PEX11G: variants seen among roughly 807,000 people sequenced by gnomAD.
PEX11G encodes peroxisomal biogenesis factor 11 gamma.
A neutral mutation model predicts 22.5 loss-of-function variants in PEX11G; 20 were observed. That is an observed-to-expected ratio of 0.89 (90% CI 0.62 to 1.29). The LOEUF (loss-of-function observed/expected upper bound fraction) is 1.29, where lower values mean the gene tolerates loss of function less well. Among genes scored for constraint, PEX11G ranks in the 50% most tolerant of loss-of-function variants. PEX11G has a pLI of 0.00. For missense variants in PEX11G, 347 were observed against 331.3 expected (o/e 1.05, Z -0.37); for synonymous variants, 141 against 154.5 (o/e 0.91, Z 0.65).
At chr19:7,489,894 G>A (rs2021840184), upstream of PEX11G, among the ~76,000 whole-genome samples, 1 of 142,578 alleles carries the variant, frequency 7.0e-6, no homozygotes, top group African/African-American at 2.6e-5. Flanking sequence ...GTCTTGCTCT[G>A]TCCCCAAAGC....
At chr19:7,489,424 G>A, upstream of PEX11G, 1 of 1,008,488 alleles carries the variant, frequency 9.9e-7, no homozygotes, top group Non-Finnish European at 1.2e-6. Context: ...CTGCCTGCCC[G>A]TAGTGAGCAG....
chr19:7,489,304 A>G, upstream of PEX11G: 13 of 1,189,976 alleles, frequency 1.1e-5, no homozygotes, highest in Non-Finnish European at 1.3e-5. Flanking sequence ...AAGTTTAACC[A>G]ACTACCCACA....
At chr19:7,492,590 C>T (rs1375988165), upstream of PEX11G, among the ~76,000 whole-genome samples, 3 of 152,024 alleles carry the variant, frequency 2.0e-5, no homozygotes, top group African/African-American at 4.8e-5. Flanking sequence ...TACAGCACAC[C>T]CGCCACTGTG....
chr19:7,491,588 A>C (rs1485696656), upstream of PEX11G, among the ~76,000 whole-genome samples: 1 of 151,204 alleles, frequency 6.6e-6, no homozygotes, highest in Non-Finnish European at 1.5e-5. Flanking sequence ...TTTCATACAA[A>C]TGGAATCATA....
At chr19:7,489,630 C>T, upstream of PEX11G, 1 of 399,914 alleles carries the variant, frequency 2.5e-6, no homozygotes, top group South Asian at 1.0e-4. Context: ...CCAAGAGAGA[C>T]CCCCGTAGGA....
Position 7,485,945 on chromosome 19 carries a change from G to C in PEX11G, c.142C>G (p.Arg48Gly). The change falls in exon 2 of 5, where the codon CGT (arginine) becomes GGT (glycine). Residue 48 changes from arginine to glycine, a missense_variant. Arg to Gly is a moderately radical substitution (Grantham distance 125). Coordinates refer to ENST00000221480, the MANE Select transcript of PEX11G (RefSeq NM_080662.4). Reference sequence around the variant, plus strand: ...AGTTGGGTGGACACCACCAACAGACGTGTCCCCACTTCGGACCTGGCGGGA... The same window carrying C: ...AGTTGGGTGGACACCACCAACAGACCTGTCCCCACTTCGGACCTGGCGGGA... ...QCPARSEVGT[R>G]LLVVSTQLSH... 6.2e-7 allele frequency: 1 copy of C among 1,613,236 alleles called. No individual in the cohort carries two copies. The highest frequency in any genetic ancestry group is 2.2e-5 in the East Asian group (1 of 44,848).
intron 1 of PEX11G, among the ~76,000 whole-genome samples, chr19:7,487,714 G>C (rs748161473): frequency 6.6e-6 from 1 of 152,126 alleles, no homozygotes; most frequent in African/African-American, 2.4e-5. Context: ...GAGCCACCAC[G>C]CCTGGCCTCC....
intron 4 of PEX11G, 77 bp downstream of exon 4, chr19:7,478,237 C>T (rs1023296299): frequency 1.7e-5 from 25 of 1,495,426 alleles, no homozygotes; most frequent in Non-Finnish European, 2.1e-5. Context: ...TGGGCCTGCA[C>T]AGGGGTGGCT....
rs532396723 is a variant in PEX11G, at chr19:7,477,295, C to T, written c.633G>A (p.Pro211=). The change falls in exon 5 of 5, where the codon CCG becomes CCA. Residue 211 remains proline, a synonymous_variant. Transcript: ENST00000221480. The part of the protein sequence containing the change: ...RGVLWAGRFP[P]WLVGLMGTIS... ...TGGTGCCCATGAGGCCCACTAGCCA[C>T]GGCGGGAAGCGGCCGGCCCACAGCA... The T allele has an allele frequency of 3.9e-5, 62 of 1,571,458 alleles. No homozygotes were observed. The highest frequency in any genetic ancestry group is 6.8e-5 in the African/African-American group (5 of 74,002).
At chr19:7,489,282 A>T, upstream of PEX11G, 1 of 1,236,996 alleles carries the variant, frequency 8.1e-7, no homozygotes, top group Non-Finnish European at 1.0e-6. Flanking sequence ...ACGCACAAAA[A>T]AATATATTTC....
chr19:7,489,006 G>A lies in PEX11G; in HGVS notation c.5C>T (p.Ala2Val), dbSNP rs1430426583. 5 of 1,539,132 alleles carry A rather than the reference G, an allele frequency of 3.2e-6. No homozygotes were observed. Among genetic ancestry groups the A allele is most frequent in the Non-Finnish European group, 4.4e-6 (5 of 1,146,236 alleles). Residue 2 changes from alanine to valine, a missense_variant, in exon 1 of 5, where the codon GCG (alanine) becomes GTG (valine). By Grantham distance (64) the Ala-to-Val change is moderately conservative (BLOSUM62 0). Transcript: ENST00000221480. ...CGCCGACGCCAGGCCGCTCAGCGAC[G>A]CCATGGCAACTCCGTGACGTCACCG... M[A>V]SLSGLASALE...
Position 7,477,440 on chromosome 19 carries a change from TG to T in PEX11G, c.492-5del. On this transcript the variant is annotated splice_polypyrimidine_tract_variant and splice_region_variant and intron_variant, in intron 4 of 4. Transcript: ENST00000221480. ...CCGCTTGCCCCGGGGCAGCGGGCTG[TG>T]GGGCAGAGAGGGGCCGCTTACACTC... 7.0e-7 allele frequency: 1 copy of T among 1,431,756 alleles called. No homozygotes were observed. The allele number at this position is 1,431,756 out of a possible 1,614,324, so 88.7% of individuals were successfully genotyped here.
intron 3 of PEX11G, among the ~76,000 whole-genome samples, chr19:7,481,279 A>G (rs375063624): frequency 1.1e-4 from 16 of 150,064 alleles, no homozygotes; most frequent in African/African-American, 3.9e-4. Flanking sequence ...GGCTCACTGC[A>G]ACCTCCACCT....
rs753208236 is a variant in PEX11G at position 7,478,344 on chromosome 19, C to T, written c.461G>A (p.Arg154Lys). ...GAAGGGCGCCGTGGGGCTCCGCAGC[C>T]TCTGTCTCAGTTTCAGCAGCATCCA... ...SLWMLLKLRQ[R>K]LRSPTAPFTS... The change falls in exon 4 of 5, where the codon AGG becomes AAG. Residue 154 changes from arginine (R) to lysine (K), a missense_variant. Arg to Lys is a conservative substitution (Grantham distance 26). Transcript: ENST00000221480. 2 of 1,611,372 alleles carry T rather than the reference C, an allele frequency of 1.2e-6. No homozygotes were observed. The highest frequency in any genetic ancestry group is 1.7e-6 in the Non-Finnish European group (2 of 1,179,518).
chr19:7,478,469 T>G (rs1599206244), intron 3 of PEX11G, 93 bp from the exon 4 acceptor site: 1 of 1,349,080 alleles, frequency 7.4e-7, no homozygotes, highest in Non-Finnish European at 1.0e-6. Flanking sequence ...CTGGGACAGG[T>G]GCTGCATCTC....
At chr19:7,480,702 G>C (rs1038382357) in intron 3 of PEX11G, among the ~76,000 whole-genome samples, 1 of 152,158 alleles carries the variant, frequency 6.6e-6, no homozygotes, top group African/African-American at 2.4e-5. Context: ...ACTACTGAGA[G>C]TCAGAGCCTC....
chr19:7,481,801 G>A (rs1039767597), intron 3 of PEX11G, among the ~76,000 whole-genome samples: 3 of 152,086 alleles, frequency 2.0e-5, no homozygotes, highest in Non-Finnish European at 4.4e-5. Context: ...AGAATCCTAA[G>A]ATAAGAAGTT....
chr19:7,490,642 A>ATTTTTTT (rs749165168), upstream of PEX11G, among the ~76,000 whole-genome samples: 3 of 55,114 alleles, frequency 5.4e-5, no homozygotes, highest in East Asian at 6.4e-4. Context: ...CCTGGCCTCT[A>ATTTTTTT]TTTTTTTTTT....
chr19:7,486,272 G>A lies in PEX11G; in HGVS notation c.61-246C>T, dbSNP rs139379035. Among the ~76,000 whole-genome samples the A allele has an allele frequency of 3.1e-3, 472 of 151,190 alleles. 7 individuals carry two copies. Among genetic ancestry groups the A allele is most frequent in the African/African-American group, 0.011 (440 of 41,184 alleles). ...CTCCCCAGTAGCTGGGATTACAGGC[G>A]CCCACCACCACACCCTGCTAATTTT... On this transcript the variant is annotated intron_variant, in intron 1 of 4. Coordinates refer to ENST00000221480, the MANE Select transcript of PEX11G (RefSeq NM_080662.4).
Sources: allele counts gnomAD v4.1 joint callset (sites outside exome capture counted in the v4.1 genomes callset), GRCh38; gene constraint gnomAD v4.1.1; transcripts MANE v1.5; gene names NCBI Gene and HGNC (gene_info 2026-07-23, HGNC 2026-07-21).